The following DSCAM variants were observed in gnomAD, a reference collection of about 807,000 sequenced individuals.
The protein encoded by DSCAM is DS cell adhesion molecule.
A neutral mutation model predicts 217.7 loss-of-function variants in DSCAM; 47 were observed. The ratio of observed to expected loss-of-function variants is 0.22; its 90% CI spans 0.17 to 0.28. DSCAM has a LOEUF of 0.28. Ranked by LOEUF, DSCAM falls within the 10% of genes least tolerant of loss-of-function variation. DSCAM has a pLI of 1.00. For missense variants in DSCAM, 2,080 were observed against 2,618.3 expected, an observed-to-expected ratio of 0.79 and a Z score of 4.49; for synonymous variants, 1,056 against 1,015.3, an observed-to-expected ratio of 1.04 and a Z score of -0.76.
chr21:40,129,234 C>T (rs558056503), intron 19 of DSCAM, among the ~76,000 whole-genome samples: 5 of 152,290 alleles, frequency 3.3e-5, no homozygotes, highest in South Asian at 2.1e-4. Flanking sequence ...CATGCCGTGC[C>T]GTGCAGATGC....
At chr21:40,143,509 G>C (rs763703575) in intron 17 of DSCAM, among the ~76,000 whole-genome samples, 4 of 152,214 alleles carry the variant, frequency 2.6e-5, no homozygotes, top group Admixed American at 6.5e-5. Flanking sequence ...CTGTGATCAA[G>C]GGCCGGGCGC....
intron 1 of DSCAM, among the ~76,000 whole-genome samples, chr21:40,759,897 C>T (rs1025008557): frequency 5.9e-5 from 9 of 152,066 alleles, no homozygotes; most frequent in African/African-American, 1.2e-4. Flanking sequence ...GGGGAGGTGA[C>T]GAGAGGGGCA....
At chr21:40,580,080 ATTT>A (rs530550322) in intron 3 of DSCAM, among the ~76,000 whole-genome samples, 1 of 142,458 alleles carries the variant, frequency 7.0e-6, no homozygotes, top group Non-Finnish European at 1.5e-5. Context: ...ACCATGTTTA[ATTT>A]TTTTTTTTTT....
intron 5 of DSCAM, among the ~76,000 whole-genome samples, chr21:40,349,840 G>A (rs993034806): frequency 2.0e-5 from 3 of 152,032 alleles, no homozygotes; most frequent in Admixed American, 6.6e-5. Context: ...TATGGAAAAC[G>A]AAAAATAAAG....
rs778990483 is a variant in DSCAM at position 40,052,047 on chromosome 21, G to A, written c.5096C>T (p.Ser1699Phe). Reference protein sequence around the residue: ...ADFGEAAKQKSLTVTHTVHYQ... With the variant: ...ADFGEAAKQKFLTVTHTVHYQ... ...ATGGACCGTGTGAGTGACCGTCAGG[G>A]ACTTCTGCTTAGCTGCCTCTCCAAA... Residue 1699 changes from serine (S) to phenylalanine (F), a missense_variant, in exon 30 of 33, where the codon TCC becomes TTC. Physicochemically the swap from Ser to Phe is radical, Grantham distance 155 (BLOSUM62 -2). This residue lies in a region of DSCAM where 1,144 missense variants were observed against 1,421.1 expected (regional missense o/e 0.81). Coordinates refer to ENST00000400454, the MANE Select transcript of DSCAM (RefSeq NM_001389.5). The A allele has an allele frequency of 6.2e-7, 1 of 1,614,152 alleles. No homozygotes were observed. The highest frequency in any genetic ancestry group is 8.5e-7 in the Non-Finnish European group (1 of 1,180,030).
At chr21:40,503,130 C>T (rs1156700255) in intron 3 of DSCAM, among the ~76,000 whole-genome samples, 1 of 152,182 alleles carries the variant, frequency 6.6e-6, no homozygotes, top group African/African-American at 2.4e-5. Context: ...TTAAGAATAT[C>T]TATTATGCTA....
chr21:40,110,017 C>G (rs1328867349), intron 20 of DSCAM, among the ~76,000 whole-genome samples: 1 of 152,192 alleles, frequency 6.6e-6, no homozygotes, highest in Non-Finnish European at 1.5e-5. Context: ...CAAAAGGCAG[C>G]AGAAACCTCT....
chr21:40,150,387 C>T (rs1035327225), intron 16 of DSCAM, among the ~76,000 whole-genome samples: 2 of 152,124 alleles, frequency 1.3e-5, no homozygotes, highest in African/African-American at 4.8e-5. Context: ...AATTCTTTAT[C>T]AGGGAAAGTT....
intron 1 of DSCAM, among the ~76,000 whole-genome samples, chr21:40,776,838 A>G (rs936055442): frequency 6.6e-6 from 1 of 152,218 alleles, no homozygotes; most frequent in African/African-American, 2.4e-5. Flanking sequence ...TTTTAATTCA[A>G]GATGGTAGAA....
chr21:40,786,769 C>T (rs1197238282), intron 1 of DSCAM, among the ~76,000 whole-genome samples: 4 of 152,118 alleles, frequency 2.6e-5, no homozygotes, highest in African/African-American at 4.8e-5. Flanking sequence ...TAATAATGGT[C>T]GTAATCACTA....
rs200012919 is a variant in DSCAM at position 40,417,832 on chromosome 21, C to CA, written c.509-48588dup. Among the ~76,000 whole-genome samples the CA allele has an allele frequency of 7.0e-4, 106 of 151,002 alleles. 1 individual carries two copies. In the East Asian group the frequency reaches 9.9e-3, roughly 14 times the overall value. On this transcript the variant is annotated intron_variant, in intron 3 of 32. Coordinates refer to ENST00000400454, the MANE Select transcript of DSCAM (RefSeq NM_001389.5). ...AAGAAAGGATCACAATAACAAAATA[C>CA]AAAAAAAAAGTTGTTTATACAAATT...
At chr21:40,801,226 G>A (rs2091737914) in intron 1 of DSCAM, among the ~76,000 whole-genome samples, 1 of 152,056 alleles carries the variant, frequency 6.6e-6, no homozygotes, top group African/African-American at 2.4e-5. Context: ...GCATTTCTAA[G>A]GAAAATATAA....
At chr21:40,100,917 GA>G (rs2089741666) in intron 20 of DSCAM, among the ~76,000 whole-genome samples, 2 of 152,152 alleles carry the variant, frequency 1.3e-5, no homozygotes, top group Non-Finnish European at 2.9e-5. Context: ...CCTAAAGTGT[GA>G]ATTAATTTTG....
chr21:40,608,484 T>C (rs753106445), intron 3 of DSCAM, among the ~76,000 whole-genome samples: 1 of 152,292 alleles, frequency 6.6e-6, no homozygotes, highest in Non-Finnish European at 1.5e-5. Context: ...GAGATACAGC[T>C]CAAAATAAAC....
chr21:40,556,900 G>C (rs1327418187), intron 3 of DSCAM, among the ~76,000 whole-genome samples: 2 of 152,094 alleles, frequency 1.3e-5, no homozygotes, highest in Non-Finnish European at 2.9e-5. Context: ...TCATCACAAA[G>C]TTCTCCATCC....
intron 9 of DSCAM, among the ~76,000 whole-genome samples, chr21:40,311,771 G>A (rs768781246): frequency 4.6e-5 from 7 of 151,972 alleles, no homozygotes; most frequent in African/African-American, 1.2e-4. Context: ...GCTCACGGAC[G>A]TTAGTCCTCA....
chr21:40,658,896 T>A (rs2090104907), intron 3 of DSCAM, among the ~76,000 whole-genome samples: 1 of 152,210 alleles, frequency 6.6e-6, no homozygotes, highest in Non-Finnish European at 1.5e-5. Context: ...AAAATATTAC[T>A]CATTTTAGTT....
chr21:40,127,530 C>G (rs1253194178), intron 19 of DSCAM, among the ~76,000 whole-genome samples: 1 of 152,184 alleles, frequency 6.6e-6, no homozygotes, highest in East Asian at 1.9e-4. Flanking sequence ...AGAATGTGGC[C>G]TTCAGAGAAT....
chr21:40,841,533 C>A (rs2092101469), intron 1 of DSCAM, among the ~76,000 whole-genome samples: 1 of 152,164 alleles, frequency 6.6e-6, no homozygotes, highest in Non-Finnish European at 1.5e-5. Flanking sequence ...ACCCCCCAGT[C>A]CAGGGGAACA....
Sources: gnomAD v4.1 joint callset for allele counts (sites outside exome capture counted in the v4.1 genomes callset) on GRCh38, gnomAD v4.1.1 for gene constraint, gnomAD v4.1.1 regional missense constraint, MANE v1.5 for transcripts, NCBI Gene and HGNC (gene_info 2026-07-23, HGNC 2026-07-21) for gene names.